Variants in SEMA6D observed in about 807,000 individuals in gnomAD.
The protein encoded by SEMA6D is semaphorin-6D.
In SEMA6D, 35 loss-of-function variants were observed where a neutral mutation model predicts 106.6. That is an observed-to-expected ratio of 0.33 (90% CI 0.25 to 0.44). SEMA6D has a LOEUF of 0.44. Ranked by LOEUF, SEMA6D falls within the 20% of genes least tolerant of loss-of-function variation. The pLI, the probability that SEMA6D is intolerant of heterozygous loss-of-function variation, is 1.00. For synonymous variants in SEMA6D, 499 were observed against 487.7 expected, an observed-to-expected ratio of 1.02 and a Z score of -0.31; for missense variants, 1,185 against 1,345.9, an observed-to-expected ratio of 0.88 and a Z score of 1.87.
chr15:47,659,192 C>G (rs1046036542), intron 4 of SEMA6D, among the ~76,000 whole-genome samples: 2 of 151,798 alleles, frequency 1.3e-5, no homozygotes, highest in African/African-American at 2.4e-5. Flanking sequence ...TGATATATCA[C>G]TCAGTTAGTA....
chr15:47,194,577 T>A (rs944404486), intron 1 of SEMA6D, among the ~76,000 whole-genome samples: 3 of 152,152 alleles, frequency 2.0e-5, no homozygotes, highest in African/African-American at 7.2e-5. Context: ...ATAAAGTAAC[T>A]TCTTCTTAGC....
chr15:47,192,164 C>T (rs2140961596), intron 1 of SEMA6D, among the ~76,000 whole-genome samples: 2 of 152,292 alleles, frequency 1.3e-5, no homozygotes, highest in South Asian at 4.1e-4. Flanking sequence ...CTTAAACACT[C>T]AGTGCCTCTG....
At chr15:47,307,630 G>T (rs1272776967) in intron 1 of SEMA6D, among the ~76,000 whole-genome samples, 1 of 152,160 alleles carries the variant, frequency 6.6e-6, no homozygotes, top group Non-Finnish European at 1.5e-5. Flanking sequence ...GGGGAATTCA[G>T]TGACCATCAC....
intron 4 of SEMA6D, among the ~76,000 whole-genome samples, chr15:47,683,257 A>G (rs1357507033): frequency 6.6e-6 from 1 of 152,122 alleles, no homozygotes; most frequent in Non-Finnish European, 1.5e-5. Context: ...TTTCCTCGGT[A>G]TGTCCATGTG....
intron 3 of SEMA6D, among the ~76,000 whole-genome samples, chr15:47,490,918 A>C (rs2043453945): frequency 6.6e-6 from 1 of 152,190 alleles, no homozygotes; most frequent in Non-Finnish European, 1.5e-5. Flanking sequence ...CTTCCTTTCA[A>C]CTGGGAGAAA....
chr15:47,609,055 C>T (rs2076838919), intron 4 of SEMA6D, among the ~76,000 whole-genome samples: 1 of 152,134 alleles, frequency 6.6e-6, no homozygotes, highest in African/African-American at 2.4e-5. Flanking sequence ...CTTACATAAA[C>T]ACTCAATACA....
Position 47,772,867 on chromosome 15 carries a change from A to AAAAC in SEMA6D, c.*1098_*1101dup, listed in dbSNP as rs1328436222. On this transcript the variant is annotated 3_prime_UTR_variant, in exon 19 of 19. Transcript: ENST00000536845. ...TCCTACCCCCCAAGGTAAGAAACAA[A>AAAAC]AAACAAACAAACAAACAAAAATAGA... is the stretch of plus-strand genomic sequence containing the variant. 1 of 144,208 alleles carries AAAAC rather than the reference A, an allele frequency of 6.9e-6. No individual in the cohort carries two copies. Among genetic ancestry groups the AAAAC allele is most frequent in the Non-Finnish European group, 1.5e-5 (1 of 66,602 alleles). The allele number at this position is 144,208 out of a possible 1,614,324, so 8.9% of individuals were successfully genotyped here.
In SEMA6D at chr15:47,530,194, A is replaced by G. The variant is rs114060878; in HGVS notation, c.-87+59649A>G. On this transcript the variant is annotated intron_variant, in intron 3 of 19. Coordinates refer to the SEMA6D transcript ENST00000558014. ...GGAGAAGCTATTTGCTTTGACAGATACATACCACAGGTGTAGAGGACCCAA... is the reference window on the plus strand; with the variant it reads ...GGAGAAGCTATTTGCTTTGACAGATGCATACCACAGGTGTAGAGGACCCAA... Among the ~76,000 whole-genome samples, 728 of 152,352 alleles carry G rather than the reference A, an allele frequency of 4.8e-3. 5 individuals carry two copies. The highest frequency in any genetic ancestry group is 0.016 in the African/African-American group (686 of 41,578).
chr15:47,626,816 GA>G (rs891183118), intron 4 of SEMA6D, among the ~76,000 whole-genome samples: 6 of 151,192 alleles, frequency 4.0e-5, no homozygotes, highest in African/African-American at 9.7e-5. Context: ...TACCAAAAAA[GA>G]AAAAAAAATT....
At chr15:47,207,202 T>C (rs1860484164) in intron 1 of SEMA6D, among the ~76,000 whole-genome samples, 2 of 152,164 alleles carry the variant, frequency 1.3e-5, no homozygotes, top group Non-Finnish European at 2.9e-5. Flanking sequence ...TATGATGAAA[T>C]GAACATTGAT....
chr15:47,412,819 A>T (rs184094038), intron 2 of SEMA6D, among the ~76,000 whole-genome samples: 2 of 152,318 alleles, frequency 1.3e-5, no homozygotes, highest in Non-Finnish European at 2.9e-5. Flanking sequence ...ATCAATGGGG[A>T]GAAAGAAAGG....
chr15:47,354,704 G>A (rs2038494493), intron 1 of SEMA6D, among the ~76,000 whole-genome samples: 1 of 151,978 alleles, frequency 6.6e-6, no homozygotes, highest in South Asian at 2.1e-4. Context: ...TGCCCACAGT[G>A]ATACAGGCTC....
At chr15:47,373,636 C>T (rs144785355) in intron 1 of SEMA6D, among the ~76,000 whole-genome samples, 246 of 152,246 alleles carry the variant, frequency 1.6e-3, no homozygotes, top group African/African-American at 5.5e-3. Flanking sequence ...CATTATGAGA[C>T]GTCCATATGT....
At chr15:47,216,065 GTAACT>G (rs991769733) in intron 1 of SEMA6D, among the ~76,000 whole-genome samples, 1 of 152,154 alleles carries the variant, frequency 6.6e-6, no homozygotes, top group African/African-American at 2.4e-5. Flanking sequence ...GTCCTGATAT[GTAACT>G]TACAACTTTG....
At chr15:47,612,172 G>C (rs2076919677) in intron 4 of SEMA6D, among the ~76,000 whole-genome samples, 1 of 152,142 alleles carries the variant, frequency 6.6e-6, no homozygotes, top group Admixed American at 6.5e-5. Context: ...CAAAAGCAAT[G>C]CTCTTTATGC....
chr15:47,423,880 C>T (rs761414417), intron 2 of SEMA6D, among the ~76,000 whole-genome samples: 2 of 151,952 alleles, frequency 1.3e-5, no homozygotes, highest in East Asian at 3.9e-4. Flanking sequence ...TTTTCTTGCT[C>T]AAAGTACTAA....
rs2034416307 is a variant in SEMA6D, at chr15:47,268,397, A to G, written c.-239+83979A>G. Among the ~76,000 whole-genome samples, 2 of 151,484 alleles carry G rather than the reference A, an allele frequency of 1.3e-5. 1 individual carries two copies. Among genetic ancestry groups the G allele is most frequent in the South Asian group, 4.2e-4 (2 of 4,790 alleles). On this transcript the variant is annotated intron_variant, in intron 1 of 19. Coordinates refer to the SEMA6D transcript ENST00000558014. Reference sequence around the variant, plus strand: ...TTTTGTCATCTGTCCCTTCCATTCTACCCTCCTTTGTGCACACCCAACAAG... The same window carrying G: ...TTTTGTCATCTGTCCCTTCCATTCTGCCCTCCTTTGTGCACACCCAACAAG...
At chr15:47,692,675 C>A (rs952296644) in intron 4 of SEMA6D, among the ~76,000 whole-genome samples, 1 of 152,162 alleles carries the variant, frequency 6.6e-6, no homozygotes, top group African/African-American at 2.4e-5. Flanking sequence ...CTGAAGTTTT[C>A]TTGGGGTCTG....
intron 1 of SEMA6D, among the ~76,000 whole-genome samples, chr15:47,302,897 T>C (rs2036077407): frequency 6.6e-6 from 1 of 152,186 alleles, no homozygotes; most frequent in South Asian, 2.1e-4. Context: ...TTTAAGCCAC[T>C]GATACATGGT....
Sources: allele counts gnomAD v4.1 joint callset (sites outside exome capture counted in the v4.1 genomes callset), GRCh38; gene constraint gnomAD v4.1.1; transcripts MANE v1.5; gene names NCBI Gene and HGNC (gene_info 2026-07-23, HGNC 2026-07-21).